The following ITGBL1 variants were observed in gnomAD, a reference collection of about 807,000 sequenced individuals.
The protein encoded by ITGBL1 is integrin beta-like protein 1.
Under a neutral mutation model 68.5 loss-of-function variants are expected in ITGBL1, and 51 were observed. That is an observed-to-expected ratio of 0.74 (90% CI 0.59 to 0.94). The LOEUF (loss-of-function observed/expected upper bound fraction) is 0.94, where lower values mean the gene tolerates loss of function less well. Ranked by LOEUF, ITGBL1 falls within the 40% of genes least tolerant of loss-of-function variation. ITGBL1 has a pLI of 0.00. For synonymous variants in ITGBL1, 209 were observed against 227.3 expected (o/e 0.92, Z 0.72); for missense variants, 649 against 647.4 (o/e 1.00, Z -0.03).
intron 7 of ITGBL1, among the ~76,000 whole-genome samples, chr13:101,638,678 T>C (rs1298979779): frequency 6.6e-6 from 1 of 152,052 alleles, no homozygotes; most frequent in Non-Finnish European, 1.5e-5. Flanking sequence ...ATTTATTCAC[T>C]ACCATGAGAG....
chr13:101,613,470 A>G (rs897341480), intron 7 of ITGBL1, among the ~76,000 whole-genome samples: 5 of 152,168 alleles, frequency 3.3e-5, no homozygotes, highest in African/African-American at 1.2e-4. Flanking sequence ...GAGAAGGGAA[A>G]TCAAGAGAAT....
At chr13:101,480,506 ATAAC>A (rs1256324402) in intron 2 of ITGBL1, among the ~76,000 whole-genome samples, 1 of 152,234 alleles carries the variant, frequency 6.6e-6, no homozygotes, top group Non-Finnish European at 1.5e-5. Context: ...ACATTTAAAA[ATAAC>A]TAAAAGAATA....
chr13:101,522,407 G>A (rs545171452), intron 2 of ITGBL1, among the ~76,000 whole-genome samples: 1 of 152,266 alleles, frequency 6.6e-6, no homozygotes, highest in South Asian at 2.1e-4. Flanking sequence ...CAGCCCTGGA[G>A]GTTATGATTT....
chr13:101,467,610 TCTTA>T (rs761815837), intron 2 of ITGBL1, among the ~76,000 whole-genome samples: 16 of 152,176 alleles, frequency 1.1e-4, no homozygotes, highest in Non-Finnish European at 1.5e-4. Context: ...CTCTAAATCA[TCTTA>T]CTTAAGGCTG....
chr13:101,630,066 C>T (rs2031926329), intron 7 of ITGBL1, among the ~76,000 whole-genome samples: 1 of 152,150 alleles, frequency 6.6e-6, no homozygotes, highest in Admixed American at 6.5e-5. Context: ...TTGTGATCCA[C>T]CCACATTGGC....
At chr13:101,605,338 A>G (rs1239796571) in intron 7 of ITGBL1, among the ~76,000 whole-genome samples, 1 of 149,664 alleles carries the variant, frequency 6.7e-6, no homozygotes, top group African/African-American at 2.5e-5. Flanking sequence ...ATATATATAT[A>G]CACATATCTA....
At chr13:101,608,452 G>A (rs544211703) in intron 7 of ITGBL1, among the ~76,000 whole-genome samples, 29 of 149,340 alleles carry the variant, frequency 1.9e-4, no homozygotes, top group African/African-American at 6.2e-4. Flanking sequence ...TCTTATTCAT[G>A]TTTACAGAGA....
intron 1 of ITGBL1, 78 bp downstream of exon 1, chr13:101,453,009 C>A: frequency 8.6e-7 from 1 of 1,167,174 alleles, no homozygotes; most frequent in Non-Finnish European, 1.3e-6. Flanking sequence ...GATGGCTGCC[C>A]TAAGCCAAGA....
At chr13:101,569,584 A>G (rs537130575) in intron 3 of ITGBL1, among the ~76,000 whole-genome samples, 1 of 152,210 alleles carries the variant, frequency 6.6e-6, no homozygotes, top group East Asian at 1.9e-4. Flanking sequence ...TGTTATGTTT[A>G]TATCTCTCTT....
chr13:101,643,515 G>A (rs1046899486), intron 7 of ITGBL1, among the ~76,000 whole-genome samples: 6 of 152,170 alleles, frequency 3.9e-5, no homozygotes, highest in African/African-American at 7.2e-5. Context: ...TGCAAACAGG[G>A]ACAAAGAGGA....
chr13:101,663,231 G>C (rs1381953457), intron 7 of ITGBL1, among the ~76,000 whole-genome samples: 1 of 152,108 alleles, frequency 6.6e-6, no homozygotes, highest in Non-Finnish European at 1.5e-5. Context: ...CATGATAGAT[G>C]CTATCAGAGT....
chr13:101,547,375 AATTGAT>A (rs1374490998), intron 2 of ITGBL1, among the ~76,000 whole-genome samples: 1 of 151,922 alleles, frequency 6.6e-6, no homozygotes, highest in African/African-American at 2.4e-5. Flanking sequence ...CTTTTCTAAG[AATTGAT>A]ATTTAATGAC....
intron 2 of ITGBL1, among the ~76,000 whole-genome samples, chr13:101,463,999 C>A (rs12428334): frequency 6.6e-6 from 1 of 150,862 alleles, no homozygotes; most frequent in South Asian, 2.1e-4. Flanking sequence ...ACCTCCACCC[C>A]CCGGATTCAA....
intron 7 of ITGBL1, among the ~76,000 whole-genome samples, chr13:101,644,315 G>A (rs559899231): frequency 6.6e-6 from 1 of 152,160 alleles, no homozygotes; most frequent in Non-Finnish European, 1.5e-5. Context: ...AGATGGTCAG[G>A]CTCAATTTTA....
chr13:101,533,650 TCA>T (rs2049520479), intron 2 of ITGBL1, among the ~76,000 whole-genome samples: 6 of 152,230 alleles, frequency 3.9e-5, no homozygotes. Context: ...TTCATATTAT[TCA>T]CATTCTGAAA....
intron 2 of ITGBL1, among the ~76,000 whole-genome samples, chr13:101,540,795 T>C (rs1275685398): frequency 1.3e-5 from 2 of 151,532 alleles, no homozygotes; most frequent in Non-Finnish European, 2.9e-5. Flanking sequence ...GATTGCTAGG[T>C]ATTTTATTCT....
At chr13:101,488,059 A>G (rs1339586269) in intron 2 of ITGBL1, among the ~76,000 whole-genome samples, 1 of 152,114 alleles carries the variant, frequency 6.6e-6, no homozygotes, top group African/African-American at 2.4e-5. Context: ...GAGAAGGGAG[A>G]GAAGGGATGG....
intron 7 of ITGBL1, among the ~76,000 whole-genome samples, chr13:101,601,685 C>T (rs1404288145): frequency 6.6e-5 from 10 of 152,148 alleles, no homozygotes; most frequent in African/African-American, 1.9e-4. Context: ...TCCTTCATTT[C>T]GTTATGTACC....
chr13:101,696,609 T>A (rs375777442), intron 8 of ITGBL1, among the ~76,000 whole-genome samples: 1 of 152,090 alleles, frequency 6.6e-6, no homozygotes, highest in African/African-American at 2.4e-5. Context: ...TTACCTCCTA[T>A]AGGAAGCCTC....
Sources: gnomAD v4.1 joint callset for allele counts (sites outside exome capture counted in the v4.1 genomes callset) on GRCh38, gnomAD v4.1.1 for gene constraint, MANE v1.5 for transcripts, NCBI Gene and HGNC (gene_info 2026-07-23, HGNC 2026-07-21) for gene names.